LATS2: variants seen among roughly 807,000 people sequenced by gnomAD.
LATS2 encodes the protein large tumor suppressor kinase 2, also known as serine/threonine-protein kinase LATS2.
LATS2 carries 24 observed loss-of-function variants against 76.0 expected under a neutral mutation model. The observed-to-expected ratio is 0.32, with a 90% CI of 0.23 to 0.44. LATS2 has a LOEUF of 0.44. LATS2 is among the 20% of genes least tolerant of loss of function. The pLI is 1.00. For synonymous variants in LATS2, 692 were observed against 635.4 expected (o/e 1.09, Z -1.34); for missense variants, 1,286 against 1,481.2 (o/e 0.87, Z 2.16).
chr13:21,049,665 G>A (rs1001605195), intron 1 of LATS2, among the ~76,000 whole-genome samples: 1 of 152,186 alleles, frequency 6.6e-6, no homozygotes, highest in African/African-American at 2.4e-5. Context: ...AAGAGACACT[G>A]CAGACTGAAG....
intron 1 of LATS2, among the ~76,000 whole-genome samples, chr13:21,051,999 G>A (rs766567305): frequency 1.3e-5 from 2 of 152,160 alleles, no homozygotes; most frequent in Non-Finnish European, 2.9e-5. Flanking sequence ...TGGGTGTGCA[G>A]TGCTAAAGTG....
intron 7 of LATS2, among the ~76,000 whole-genome samples, chr13:20,979,070 T>C (rs770299070): frequency 4.6e-5 from 7 of 152,172 alleles, no homozygotes; most frequent in African/African-American, 7.2e-5. Flanking sequence ...CCTATGATCC[T>C]CCCAAAGTAG....
intron 2 of LATS2, among the ~76,000 whole-genome samples, chr13:21,025,140 G>A (rs893380365): frequency 4.0e-5 from 6 of 151,626 alleles, no homozygotes; most frequent in Non-Finnish European, 4.4e-5. Context: ...TTATGGTCAC[G>A]GGGCCAGGTG....
At chr13:21,045,048 A>G (rs146914300) in intron 2 of LATS2, among the ~76,000 whole-genome samples, 6 of 152,266 alleles carry the variant, frequency 3.9e-5, no homozygotes, top group African/African-American at 9.6e-5. Flanking sequence ...GTATTAATGT[A>G]TAACTGGTGC....
intron 1 of LATS2, among the ~76,000 whole-genome samples, chr13:21,057,587 A>T (rs534497052): frequency 6.6e-6 from 1 of 152,178 alleles, no homozygotes; most frequent in South Asian, 2.1e-4. Context: ...AGGTCAGGAG[A>T]TCGAGACCAT....
chr13:21,041,012 G>A (rs1017364966), intron 2 of LATS2, among the ~76,000 whole-genome samples: 12 of 151,180 alleles, frequency 7.9e-5, no homozygotes, highest in African/African-American at 7.3e-5. Flanking sequence ...TCGCTCTGTC[G>A]CCCAGGCTGG....
rs905177711 is a variant in LATS2 at position 20,974,916 on chromosome 13, G to A, written c.3221C>T (p.Ser1074Phe). The A allele has an allele frequency of 6.2e-7, 1 of 1,614,180 alleles. No homozygotes were observed. Among genetic ancestry groups the A allele is most frequent in the Non-Finnish European group, 8.5e-7 (1 of 1,180,034 alleles). ...GCCTTCAGTCTGATCCACCAGATCAGAGCTTTCTAAATCTGAGCTCTCAGC... is the reference window on the plus strand; with the variant it reads ...GCCTTCAGTCTGATCCACCAGATCAAAGCTTTCTAAATCTGAGCTCTCAGC... ...SQAESSDLESSDLVDQTEGCQ... is the reference protein window; with the variant it reads ...SQAESSDLESFDLVDQTEGCQ... The change falls in exon 8 of 8, where the codon TCT becomes TTT. Residue 1074 changes from serine (S) to phenylalanine (F), a missense_variant. Transcript: ENST00000382592.
At chr13:21,004,247 C>T (rs1280868672) in intron 2 of LATS2, among the ~76,000 whole-genome samples, 1 of 152,064 alleles carries the variant, frequency 6.6e-6, no homozygotes, top group Non-Finnish European at 1.5e-5. Context: ...CCAGCCTGAC[C>T]AACATGGTGA....
In LATS2 at chr13:20,989,207, G is replaced by A. The variant is rs768002766; in HGVS notation, c.573C>T (p.Tyr191=). Residue 191 remains tyrosine (Y), a synonymous_variant, in exon 4 of 8, where the codon TAC becomes TAT. Transcript: ENST00000382592. ...ASYHQLSGTP[Y]EGPSFGADGP... ...CGTCAGCGCCGAAGCTTGGGCCCTC[G>A]TAGGGGGTACCGCTCAGCTGGTGGT... is the stretch of plus-strand genomic sequence containing the variant. 9 of 1,613,740 alleles carry A rather than the reference G, an allele frequency of 5.6e-6. No homozygotes were observed. Among genetic ancestry groups the A allele is most frequent in the East Asian group, 2.2e-5 (1 of 44,880 alleles).
intron 1 of LATS2, 87 bp from the exon 2 acceptor site, chr13:21,046,317 G>A (rs991795465): frequency 6.9e-5 from 23 of 333,578 alleles, no homozygotes; most frequent in East Asian, 2.4e-4. Context: ...AACAGTGATC[G>A]TGGAAATATA....
intron 7 of LATS2, among the ~76,000 whole-genome samples, chr13:20,978,037 T>C (rs977794969): frequency 6.6e-6 from 1 of 152,062 alleles, no homozygotes; most frequent in Non-Finnish European, 1.5e-5. Flanking sequence ...TGCCTCAGCC[T>C]CCCAAGTAGC....
chr13:20,993,191 C>T (rs560665372), intron 2 of LATS2, among the ~76,000 whole-genome samples: 2 of 152,308 alleles, frequency 1.3e-5, no homozygotes, highest in African/African-American at 4.8e-5. Context: ...GTGTCCCCCA[C>T]CTCTGGATAG....
rs77062190 is a variant in LATS2 at position 20,984,884 on chromosome 13, T to G, written c.1900-1078A>C. 5.7e-3 allele frequency among the ~76,000 whole-genome samples: 869 copies of G among 152,274 alleles called. 13 individuals are homozygous for G. Among genetic ancestry groups the G allele is most frequent in the African/African-American group, 0.02 (821 of 41,536 alleles). The stretch of plus-strand genomic sequence containing the variant: ...CAATCCTAGGCAAAAAGAACAAAAT[T>G]GTTACCTGACTTCAAAATATGTTAC... On this transcript the variant is annotated intron_variant, in intron 4 of 7. Transcript: ENST00000382592.
chr13:21,048,446 CAG>C (rs1005298089), intron 1 of LATS2, among the ~76,000 whole-genome samples: 9 of 152,184 alleles, frequency 5.9e-5, no homozygotes, highest in South Asian at 2.1e-4. Context: ...TGACAATACG[CAG>C]AGAGTTTCTT....
intron 3 of LATS2, among the ~76,000 whole-genome samples, chr13:20,989,709 A>G (rs1870425225): frequency 6.6e-6 from 1 of 152,198 alleles, no homozygotes; most frequent in African/African-American, 2.4e-5. Context: ...GTTTACCGAC[A>G]CACGGTTCCC....
intron 2 of LATS2, among the ~76,000 whole-genome samples, chr13:21,009,994 G>A (rs1264484897): frequency 6.6e-6 from 1 of 152,172 alleles, no homozygotes; most frequent in Non-Finnish European, 1.5e-5. Context: ...GAGGTCAGGT[G>A]TTCGAGACCA....
In LATS2 at chr13:21,046,080, A is replaced by G; in HGVS notation, c.-54T>C. ...TACAATCTTCTTAAAGTGTTTTATT[A>G]TTTAAAAAAAAAAACTGTCAATAGT... is the stretch of plus-strand genomic sequence containing the variant. On this transcript the variant is annotated 5_prime_UTR_variant, in exon 2 of 8. Transcript: ENST00000382592. The G allele has an allele frequency of 2.5e-6, 3 of 1,223,020 alleles. No homozygotes were observed. Among genetic ancestry groups the G allele is most frequent in the South Asian group, 3.0e-5 (2 of 66,444 alleles). The allele number at this position is 1,223,020 out of a possible 1,614,324, so 75.8% of individuals were successfully genotyped here.
intron 4 of LATS2, among the ~76,000 whole-genome samples, chr13:20,984,774 C>T (rs1456520142): frequency 2.0e-5 from 3 of 152,150 alleles, no homozygotes; most frequent in South Asian, 2.1e-4. Flanking sequence ...CAATTAAATG[C>T]AATCCCTATC....
intron 2 of LATS2, among the ~76,000 whole-genome samples, chr13:21,032,286 GAC>G (rs1385721938): frequency 1.2e-5 from 1 of 84,210 alleles, no homozygotes; most frequent in African/African-American, 3.1e-5. Flanking sequence ...TATTTTTTGA[GAC>G]AGAGTCTCGC....
Sources: gnomAD v4.1 joint callset for allele counts (sites outside exome capture counted in the v4.1 genomes callset) on GRCh38, gnomAD v4.1.1 for gene constraint, MANE v1.5 for transcripts, NCBI Gene and HGNC (gene_info 2026-07-23, HGNC 2026-07-21) for gene names.